Variants in SEC31B observed in about 807,000 individuals in gnomAD.
SEC31B encodes SEC31 homolog B, COPII component.
Under a neutral mutation model 135.0 loss-of-function variants are expected in SEC31B, and 113 were observed. The observed-to-expected ratio is 0.84, with a 90% CI of 0.72 to 0.98. The LOEUF (loss-of-function observed/expected upper bound fraction) is 0.98, where lower values mean the gene tolerates loss of function less well. SEC31B is among the 50% of genes least tolerant of loss of function. The pLI is 0.00. For missense variants in SEC31B, 1,296 were observed against 1,421.1 expected, an observed-to-expected ratio of 0.91 and a Z score of 1.42; for synonymous variants, 508 against 549.4, an observed-to-expected ratio of 0.92 and a Z score of 1.05.
chr10:100,509,853 C>T (rs184124643), intron 3 of SEC31B, among the ~76,000 whole-genome samples: 1 of 152,286 alleles, frequency 6.6e-6, no homozygotes, highest in Non-Finnish European at 1.5e-5. Flanking sequence ...ACATAATCCT[C>T]ACAACTCAAA....
At chr10:100,515,699 G>A (rs758045295) in intron 3 of SEC31B, among the ~76,000 whole-genome samples, 1 of 152,222 alleles carries the variant, frequency 6.6e-6, no homozygotes, top group East Asian at 1.9e-4. Flanking sequence ...GAACCAATCA[G>A]TGTCTAAAAG....
chr10:100,496,586 G>A (rs1461571853), intron 17 of SEC31B, among the ~76,000 whole-genome samples, 155 bp from the exon 18 acceptor site: 2 of 152,356 alleles, frequency 1.3e-5, no homozygotes, highest in African/African-American at 4.8e-5. Context: ...CGTAAGAACT[G>A]TGACAGAGAA....
rs1477214813 is a variant in SEC31B at position 100,487,689 on chromosome 10, C to G, written c.3467G>C (p.Ser1156Thr). 1.2e-6 allele frequency: 2 copies of G among 1,613,798 alleles called. No homozygotes were observed. Among genetic ancestry groups the G allele is most frequent in the East Asian group, 4.5e-5 (2 of 44,882 alleles). The change falls in exon 26 of 26, where the codon AGC (serine) becomes ACC (threonine). Residue 1156 changes from serine (S) to threonine (T), a missense_variant. Physicochemically the swap from Ser to Thr is moderately conservative, Grantham distance 58. Transcript: ENST00000370345. ...CATGAAGCTGGACACCTCGCTGAAG[C>G]TGCTACAGCCCGCCACCTGGGCATG... ...AVHAQVAGCS[S>T]FSEVSSFMPI...
In SEC31B at chr10:100,489,737, G is replaced by C. The variant is rs1429992103; in HGVS notation, c.2990C>G (p.Ala997Gly). 1 of 1,614,118 alleles carries C rather than the reference G, an allele frequency of 6.2e-7. No individual in the cohort carries two copies. The highest frequency in any genetic ancestry group is 8.5e-7 in the Non-Finnish European group (1 of 1,180,004). The change falls in exon 22 of 26, where the codon GCC becomes GGC. Residue 997 changes from alanine to glycine, a missense_variant. Physicochemically the swap from Ala to Gly is moderately conservative, Grantham distance 60. Transcript: ENST00000370345. ...HPGPQDSWKE[A>G]PAPRGNLQRN... The stretch of plus-strand genomic sequence containing the variant: ...CTGGAGGTTTCCCCTGGGGGCTGGG[G>C]CTTCTTTCCAGGAATCTTGAGGTCC...
intron 1 of SEC31B, among the ~76,000 whole-genome samples, chr10:100,517,674 T>G (rs914389643): frequency 6.6e-6 from 1 of 152,216 alleles, no homozygotes; most frequent in African/African-American, 2.4e-5. Context: ...GGGAGGGAAC[T>G]CCCATTTTAG....
intron 19 of SEC31B, among the ~76,000 whole-genome samples, chr10:100,491,901 A>G (rs1350739103): frequency 1.3e-5 from 2 of 152,256 alleles, no homozygotes; most frequent in Non-Finnish European, 2.9e-5. Flanking sequence ...CACATCTGCT[A>G]TCTGCCATGT....
In SEC31B at chr10:100,497,201, C is replaced by T. The variant is rs1327586286; in HGVS notation, c.2070G>A (p.Gly690=). ...AGCACTCCACCAGCCGCTCCACACT[C>T]CCTGAGCACACATAACAGAGTCTGG... ...SEARLCYVCS[G]SVERLVECWA... is the part of the protein sequence containing the mutation. The change falls in exon 17 of 26, where the codon GGG becomes GGA. Residue 690 remains glycine, a synonymous_variant. Coordinates refer to ENST00000370345, the MANE Select transcript of SEC31B (RefSeq NM_015490.4). 15 of 1,614,118 alleles carry T rather than the reference C, an allele frequency of 9.3e-6. No homozygotes were observed. Among genetic ancestry groups the T allele is most frequent in the Non-Finnish European group, 1.0e-5 (12 of 1,180,060 alleles).
At chr10:100,504,125 AC>A (rs1457197667) in intron 10 of SEC31B, among the ~76,000 whole-genome samples, 1 of 152,220 alleles carries the variant, frequency 6.6e-6, no homozygotes, top group African/African-American at 2.4e-5. Context: ...ACCGATAAGA[AC>A]GGTTAAGTCC....
rs748584631 is a variant in SEC31B, at chr10:100,499,532, G to A, written c.1477C>T (p.Gln493Ter). The change falls in exon 12 of 26, where the codon CAG becomes TAG. Residue 493 changes from glutamine to a stop codon, truncating the protein, a stop_gained. Transcript: ENST00000370345. LOFTEE classifies it high-confidence loss of function. ...KLLGYSKDEL[Q>*]KKVATWLKSD... ...TGTGAAAAGCAGCTTACCTTCTTCTGAAGCTCATCTTTACTGTATCCTAAA... is the reference window on the plus strand; with the variant it reads ...TGTGAAAAGCAGCTTACCTTCTTCTAAAGCTCATCTTTACTGTATCCTAAA... 1.2e-6 allele frequency: 2 copies of A among 1,608,140 alleles called. No homozygotes were observed. Among genetic ancestry groups the A allele is most frequent in the East Asian group, 2.2e-5 (1 of 44,864 alleles).
chr10:100,508,173 C>A (rs957131811), intron 5 of SEC31B, 122 bp from the exon 6 acceptor site: 19 of 1,203,086 alleles, frequency 1.6e-5, no homozygotes, highest in Admixed American at 3.9e-5. Flanking sequence ...GCTACCCAAA[C>A]TAAGACAGTG....
intron 1 of SEC31B, among the ~76,000 whole-genome samples, chr10:100,518,888 C>G (rs757485332): frequency 6.6e-6 from 1 of 152,250 alleles, no homozygotes; most frequent in Admixed American, 6.5e-5. Context: ...ATCACGTATT[C>G]TGTGACCAGC....
At chr10:100,489,571 G>A in intron 22 of SEC31B, 132 bp downstream of exon 22, 2 of 1,414,580 alleles carry the variant, frequency 1.4e-6, no homozygotes, top group Non-Finnish European at 2.0e-6. Context: ...AGAGGGTTCT[G>A]AGGAAAGAAG....
chr10:100,509,269 C>T, intron 4 of SEC31B, 47 bp downstream of exon 4: 1 of 1,577,112 alleles, frequency 6.3e-7, no homozygotes. Flanking sequence ...CCACTCAGAT[C>T]TGTTGCTCCC....
In SEC31B at chr10:100,516,992, A is replaced by C. The variant is rs750300389; in HGVS notation, c.-40T>G. 1 of 1,495,894 alleles carries C rather than the reference A, an allele frequency of 6.7e-7. No individual in the cohort carries two copies. The highest frequency in any genetic ancestry group is 9.3e-7 in the Non-Finnish European group (1 of 1,074,130). 92.7% of individuals were successfully genotyped at this position (1,495,894 alleles called of 1,614,324 possible). A position where few individuals can be genotyped will look rare whatever the true frequency, so the allele number is the denominator to read the frequency against. On this transcript the variant is annotated 5_prime_UTR_variant, in exon 2 of 26. Transcript: ENST00000370345. ...GTGGCAGAAAACTGACATGGCCCTCAGCCCACTGAAAATAGAAACCAGCAA... is the reference window on the plus strand; with the variant it reads ...GTGGCAGAAAACTGACATGGCCCTCCGCCCACTGAAAATAGAAACCAGCAA...
Position 100,495,380 on chromosome 10 carries a change from C to G in SEC31B, c.2472+5G>C. The G allele has an allele frequency of 1.2e-6, 2 of 1,612,666 alleles. No homozygotes were observed. The highest frequency in any genetic ancestry group is 1.7e-6 in the Non-Finnish European group (2 of 1,179,456). ...GAACAAATGAATGAACAAACGAGGTCTTACCTGGTGAGAAGGCTGGGATCC... is the reference window on the plus strand; with the variant it reads ...GAACAAATGAATGAACAAACGAGGTGTTACCTGGTGAGAAGGCTGGGATCC... On this transcript the variant is annotated splice_donor_5th_base_variant and intron_variant, in intron 19 of 25. Coordinates refer to ENST00000370345, the MANE Select transcript of SEC31B (RefSeq NM_015490.4).
rs1320499249 is a variant in SEC31B at position 100,506,391 on chromosome 10, G to A, written c.812C>T (p.Ala271Val). 2.5e-6 allele frequency: 4 copies of A among 1,614,158 alleles called. No homozygotes were observed. The highest frequency in any genetic ancestry group is 3.3e-4 in the Middle Eastern group (2 of 6,062). ...RGILSVSWSQADAELLLTSAK... is the reference protein window; with the variant it reads ...RGILSVSWSQVDAELLLTSAK... ...ACTAGTGAGCAGCAGCTCAGCATCAGCCTGGCTCCATGACACTGACAAGAT... is the reference window on the plus strand; with the variant it reads ...ACTAGTGAGCAGCAGCTCAGCATCAACCTGGCTCCATGACACTGACAAGAT... The change falls in exon 8 of 26, where the codon GCT (alanine) becomes GTT (valine). Residue 271 changes from alanine to valine, a missense_variant. By Grantham distance (64) the Ala-to-Val change is moderately conservative. Transcript: ENST00000370345.
intron 9 of SEC31B, chr10:100,505,752 A>G (rs767325284): frequency 1.1e-4 from 156 of 1,413,088 alleles, no homozygotes; most frequent in African/African-American, 2.2e-4. Flanking sequence ...AGAGAGAAAG[A>G]TAAGAGTCAT....
rs146812157 is a variant in SEC31B, at chr10:100,490,128, G to A, written c.2845C>T (p.Arg949Cys). ...LLPLRPLGPGRMVSHTPAPPA... is the reference protein window; with the variant it reads ...LLPLRPLGPGCMVSHTPAPPA... ...GGGGCTGGGGTGTGGGAGACCATGC[G>A]GCCGGGACCTAGTGGTCTCAGAGGA... The change falls in exon 21 of 26, where the codon CGC becomes TGC. Residue 949 changes from arginine to cysteine, a missense_variant. Arg to Cys is a radical substitution (Grantham distance 180). Coordinates refer to ENST00000370345, the MANE Select transcript of SEC31B (RefSeq NM_015490.4). 9.6e-5 allele frequency: 153 copies of A among 1,592,040 alleles called. 1 individual carries two copies. The African/African-American group carries it at 1.5e-3, about 15-fold the overall frequency.
chr10:100,508,197 A>C, intron 5 of SEC31B, 146 bp from the exon 6 acceptor site: 1 of 954,138 alleles, frequency 1.0e-6, no homozygotes, highest in Non-Finnish European at 1.6e-6. Context: ...CGAAGCTGGG[A>C]GTTGAATTTT....
Sources: gnomAD v4.1 joint callset for allele counts (sites outside exome capture counted in the v4.1 genomes callset) on GRCh38, gnomAD v4.1.1 for gene constraint, MANE v1.5 for transcripts, NCBI Gene and HGNC (gene_info 2026-07-23, HGNC 2026-07-21) for gene names.